The following DOCK4 variants were observed in gnomAD, a reference collection of about 807,000 sequenced individuals.
The protein encoded by DOCK4 is dedicator of cytokinesis 4, also known as dedicator of cytokinesis protein 4.
Under a neutral mutation model 268.1 loss-of-function variants are expected in DOCK4, and 97 were observed. The observed-to-expected ratio is 0.36, with a 90% CI of 0.31 to 0.43. The LOEUF (loss-of-function observed/expected upper bound fraction) is 0.43. DOCK4 is among the 20% of genes least tolerant of loss of function. The pLI, the probability that DOCK4 is intolerant of heterozygous loss-of-function variation, is 1.00. For synonymous variants in DOCK4, 954 were observed against 887.2 expected, an observed-to-expected ratio of 1.08 and a Z score of -1.34; for missense variants, 2,145 against 2,455.7, an observed-to-expected ratio of 0.87 and a Z score of 2.67.
rs546515082 is a variant in DOCK4 at position 111,870,326 on chromosome 7, T to TTC, written c.2028-672_2028-671insGA. ...TTCTCTTTTTTCTTTTTCTTTTCTTTTTTTTTTTTTTTTTTGAGACAGAGT... is the reference window on the plus strand; with the variant it reads ...TTCTCTTTTTTCTTTTTCTTTTCTTTTCTTTTTTTTTTTTTTTGAGACAGAGT... On this transcript the variant is annotated intron_variant, in intron 20 of 52. Transcript: ENST00000428084. 2.1e-3 allele frequency among the ~76,000 whole-genome samples: 306 copies of TTC among 147,358 alleles called. 3 individuals carry two copies. Among genetic ancestry groups the TTC allele is most frequent in the African/African-American group, 5.6e-3 (223 of 39,796 alleles).
At chr7:111,883,323 G>A (rs1807569390) in intron 16 of DOCK4, among the ~76,000 whole-genome samples, 2 of 152,028 alleles carry the variant, frequency 1.3e-5, no homozygotes, top group South Asian at 4.2e-4. Flanking sequence ...AACATCCTTT[G>A]ATCTCTCATC....
intron 1 of DOCK4, among the ~76,000 whole-genome samples, chr7:112,083,195 G>A (rs559055031): frequency 1.3e-5 from 2 of 152,102 alleles, no homozygotes; most frequent in South Asian, 4.2e-4. Flanking sequence ...TTATGAATTA[G>A]GAATCAGTAG....
intron 42 of DOCK4, among the ~76,000 whole-genome samples, chr7:111,754,835 C>T (rs1270752418): frequency 6.6e-6 from 1 of 152,168 alleles, no homozygotes. Context: ...ACAGTGGCAC[C>T]CACTGATCTA....
intron 8 of DOCK4, among the ~76,000 whole-genome samples, chr7:111,957,773 G>T (rs949137534): frequency 1.3e-5 from 2 of 152,124 alleles, no homozygotes; most frequent in African/African-American, 4.8e-5. Flanking sequence ...ATGAATGAAC[G>T]AATGAACATC....
chr7:112,151,816 T>C (rs1816114562), intron 1 of DOCK4, among the ~76,000 whole-genome samples: 1 of 149,392 alleles, frequency 6.7e-6, no homozygotes, highest in South Asian at 2.1e-4. Context: ...CCCAACCACC[T>C]ACAGAAATCT....
chr7:111,870,323 C>CTTTTTTTT (rs796444724), intron 20 of DOCK4, among the ~76,000 whole-genome samples: 3 of 131,358 alleles, frequency 2.3e-5, no homozygotes, highest in Non-Finnish European at 4.9e-5. Flanking sequence ...TTTTTCTTTT[C>CTTTTTTTT]TTTTTTTTTT....
At chr7:112,129,464 A>G (rs1813593952) in intron 1 of DOCK4, among the ~76,000 whole-genome samples, 1 of 152,158 alleles carries the variant, frequency 6.6e-6, no homozygotes, top group Non-Finnish European at 1.5e-5. Flanking sequence ...TGGTCGTTAC[A>G]TATACCATAC....
intron 42 of DOCK4, among the ~76,000 whole-genome samples, chr7:111,754,421 G>T (rs1796890370): frequency 6.6e-6 from 1 of 152,134 alleles, no homozygotes; most frequent in Admixed American, 6.5e-5. Context: ...CTTTCTTCTG[G>T]ATTGACAGAA....
chr7:111,844,964 A>G, intron 24 of DOCK4, 67 bp from the exon 25 acceptor site: 2 of 1,534,622 alleles, frequency 1.3e-6, no homozygotes, highest in Non-Finnish European at 8.7e-7. Flanking sequence ...CTAACAGAAA[A>G]GGGGAAATCA....
In DOCK4 at chr7:111,782,857, T is replaced by G; in HGVS notation, c.3585+7A>C. Reference sequence around the variant, plus strand: ...GAAAAGGAGAAAAAGGGGAATAGTTTACTAACCAGAAGGCTAACTGTGCAG... The same window carrying G: ...GAAAAGGAGAAAAAGGGGAATAGTTGACTAACCAGAAGGCTAACTGTGCAG... On this transcript the variant is annotated splice_region_variant and intron_variant, in intron 35 of 52. Coordinates refer to ENST00000428084, the MANE Select transcript of DOCK4 (RefSeq NM_001363540.2). The G allele has an allele frequency of 1.2e-6, 2 of 1,613,510 alleles. No individual in the cohort carries two copies. Among genetic ancestry groups the G allele is most frequent in the Non-Finnish European group, 1.7e-6 (2 of 1,179,604 alleles).
chr7:112,190,733 T>C (rs1280267960), intron 1 of DOCK4, among the ~76,000 whole-genome samples: 1 of 152,112 alleles, frequency 6.6e-6, no homozygotes, highest in African/African-American at 2.4e-5. Flanking sequence ...ACAAATTTGC[T>C]TTATGAAAAA....
chr7:111,930,448 G>T (rs1298392541), intron 12 of DOCK4, among the ~76,000 whole-genome samples: 1 of 152,178 alleles, frequency 6.6e-6, no homozygotes, highest in African/African-American at 2.4e-5. Context: ...TTAGCTGGTA[G>T]AATTTGTTTC....
intron 30 of DOCK4, among the ~76,000 whole-genome samples, chr7:111,800,738 C>G (rs773436471): frequency 6.6e-6 from 1 of 152,120 alleles, no homozygotes; most frequent in Non-Finnish European, 1.5e-5. Context: ...AACACAGACA[C>G]GCTATTCTTC....
At chr7:112,089,414 A>AC (rs1176335007) in intron 1 of DOCK4, among the ~76,000 whole-genome samples, 1 of 152,080 alleles carries the variant, frequency 6.6e-6, no homozygotes. Flanking sequence ...CCAACAAATC[A>AC]CCCATCCATT....
intron 32 of DOCK4, among the ~76,000 whole-genome samples, chr7:111,784,827 A>G (rs1799054686): frequency 6.6e-6 from 1 of 152,208 alleles, no homozygotes; most frequent in African/African-American, 2.4e-5. Flanking sequence ...ATATGTGGAT[A>G]CTTCCCTACC....
chr7:111,935,746 A>G (rs1165842877), intron 11 of DOCK4, 118 bp from the exon 12 acceptor site: 1 of 805,620 alleles, frequency 1.2e-6, no homozygotes, highest in Non-Finnish European at 2.0e-6. Flanking sequence ...TGAGGTCCCC[A>G]TCAACCTGCT....
rs370629123 is a variant in DOCK4 at position 111,788,691 on chromosome 7, G to A, written c.3372C>T (p.Asp1124=). The change falls in exon 32 of 53, where the codon GAC becomes GAT. Residue 1124 remains aspartate (D), a synonymous_variant. Coordinates refer to ENST00000428084, the MANE Select transcript of DOCK4 (RefSeq NM_001363540.2). The stretch of plus-strand genomic sequence containing the variant: ...TGTTGAAGAGCTCGCGGTATGTTTC[G>A]TCACCTTTGCCTTCTGACATCAGGC... The part of the protein sequence containing the change: ...LDSLMSEGKG[D]ETYRELFNSI... 2.1e-5 allele frequency: 33 copies of A among 1,592,098 alleles called. No homozygotes were observed. Among genetic ancestry groups the A allele is most frequent in the South Asian group, 4.6e-5 (4 of 87,520 alleles).
intron 1 of DOCK4, among the ~76,000 whole-genome samples, chr7:112,055,249 A>C (rs1805708745): frequency 6.6e-6 from 1 of 152,236 alleles, no homozygotes; most frequent in African/African-American, 2.4e-5. Context: ...TGAGCTATAC[A>C]TACATTTAAG....
At chr7:112,113,361 T>C (rs1174317596) in intron 1 of DOCK4, among the ~76,000 whole-genome samples, 1 of 152,130 alleles carries the variant, frequency 6.6e-6, no homozygotes, top group Non-Finnish European at 1.5e-5. Flanking sequence ...CTAAGGTCAG[T>C]GGGCCAGAGA....
Sources: allele counts gnomAD v4.1 joint callset (sites outside exome capture counted in the v4.1 genomes callset), GRCh38; gene constraint gnomAD v4.1.1; transcripts MANE v1.5; gene names NCBI Gene and HGNC (gene_info 2026-07-23, HGNC 2026-07-21).